Variants in PCDHGB1 observed in about 807,000 individuals in gnomAD.
PCDHGB1 encodes the protein protocadherin gamma-B1.
Under a neutral mutation model 56.6 loss-of-function variants are expected in PCDHGB1, and 34 were observed. That is an observed-to-expected ratio of 0.60 (90% CI 0.46 to 0.80). The LOEUF is 0.80. Ranked by LOEUF, PCDHGB1 falls within the 30% of genes least tolerant of loss-of-function variation. PCDHGB1 has a pLI of 0.00. For missense variants in PCDHGB1, 1,278 were observed against 1,204.6 expected (o/e 1.06, Z -0.90); for synonymous variants, 561 against 505.9 (o/e 1.11, Z -1.46).
At chr5:141,395,135 C>A (rs2093181761) in intron 1 of PCDHGB1, 3 of 1,614,104 alleles carry the variant, frequency 1.9e-6, no homozygotes, top group Non-Finnish European at 2.5e-6. Flanking sequence ...CCCAGCCCAA[C>A]TACGCAGACA....
At chr5:141,495,492 G>C (rs1321150765) in intron 2 of PCDHGB1, among the ~76,000 whole-genome samples, 1 of 152,148 alleles carries the variant, frequency 6.6e-6, no homozygotes, top group Non-Finnish European at 1.5e-5. Flanking sequence ...CCTTTTTCTT[G>C]AGTTTCCGTC....
chr5:141,478,514 G>A, intron 1 of PCDHGB1: 2 of 1,611,534 alleles, frequency 1.2e-6, no homozygotes, highest in Non-Finnish European at 1.7e-6. Context: ...CTATAGGCAG[G>A]TGTTGGGTGC....
chr5:141,426,766 T>C (rs2096958771), intron 1 of PCDHGB1: 1 of 456,532 alleles, frequency 2.2e-6, no homozygotes, highest in South Asian at 1.5e-5. Flanking sequence ...GATGCAGATG[T>C]AGGGCCTCAC....
chr5:141,441,547 A>G (rs1393958373), intron 1 of PCDHGB1: 1 of 182,772 alleles, frequency 5.5e-6, no homozygotes, highest in Admixed American at 6.4e-5. Context: ...CAAAGCCTCC[A>G]TAGTGTGCAA....
rs2096301395 is a variant in PCDHGB1, at chr5:141,418,913, C to A, written c.2409+66244C>A. On this transcript the variant is annotated intron_variant, in intron 1 of 3. Coordinates refer to ENST00000523390, the MANE Select transcript of PCDHGB1 (RefSeq NM_018922.3). ...CAGCCCAGAAATAATCATCACGTCA[C>A]TCTCTGATCAGATTATGGAGGATTC... The A allele has an allele frequency of 2.5e-6, 4 of 1,613,946 alleles. No homozygotes were observed. The highest frequency in any genetic ancestry group is 3.4e-6 in the Non-Finnish European group (4 of 1,179,822).
chr5:141,418,693 T>G, intron 1 of PCDHGB1: 1 of 1,614,040 alleles, frequency 6.2e-7, no homozygotes, highest in Admixed American at 1.7e-5. Flanking sequence ...CAGAGATCAC[T>G]TATTCCTTCT....
chr5:141,394,336 A>C lies in PCDHGB1; in HGVS notation c.2409+41667A>C, dbSNP rs1205005872. On this transcript the variant is annotated intron_variant, in intron 1 of 3. Coordinates refer to ENST00000523390, the MANE Select transcript of PCDHGB1 (RefSeq NM_018922.3). ...CCCCTGTCCTCGTATATCTCCATCA[A>C]CTCTGACACCGGTGTCCTGTATGCG... 6.2e-7 allele frequency: 1 copy of C among 1,613,822 alleles called. No homozygotes were observed. The highest frequency in any genetic ancestry group is 1.1e-5 in the South Asian group (1 of 91,058).
At chr5:141,426,714 C>T (rs779529448) in intron 1 of PCDHGB1, 2 of 444,724 alleles carry the variant, frequency 4.5e-6, no homozygotes, top group South Asian at 3.1e-5. Flanking sequence ...AATCAATGAA[C>T]TAGCAATTCC....
At chr5:141,420,386 AT>A (rs2096493306) in intron 1 of PCDHGB1, 1 of 1,284,798 alleles carries the variant, frequency 7.8e-7, no homozygotes, top group African/African-American at 1.5e-5. Flanking sequence ...AGTTCGCAAA[AT>A]ATAGGTCAAA....
chr5:141,366,696 A>T (rs1337477969), intron 1 of PCDHGB1: 1 of 1,614,244 alleles, frequency 6.2e-7, no homozygotes. Flanking sequence ...GAGAAAAGCG[A>T]GCCTCTTCTG....
At chr5:141,405,448 CT>C in intron 1 of PCDHGB1, 1 of 1,314,740 alleles carries the variant, frequency 7.6e-7, no homozygotes, top group Non-Finnish European at 1.1e-6. Flanking sequence ...GAGACAGAGT[CT>C]TACTCTGTTA....
intron 1 of PCDHGB1, chr5:141,433,132 T>A (rs1168186406): frequency 6.2e-7 from 1 of 1,614,122 alleles, no homozygotes; most frequent in Non-Finnish European, 8.5e-7. Context: ...GCGAGCCCCT[T>A]TTGCTGTCAG....
In PCDHGB1 at chr5:141,487,120, T is replaced by C. The variant is rs1342042604; in HGVS notation, c.2410-7687T>C. 1.9e-6 allele frequency: 3 copies of C among 1,613,948 alleles called. No homozygotes were observed. Among genetic ancestry groups the C allele is most frequent in the Admixed American group, 1.7e-5 (1 of 60,028 alleles). ...AGAAGCTGGTCATTGTGGTAAAGGA[T>C]AGTGGTAGTCCACCACTCTCTACCT... On this transcript the variant is annotated intron_variant, in intron 1 of 3. Coordinates refer to ENST00000523390, the MANE Select transcript of PCDHGB1 (RefSeq NM_018922.3). The surrounding 1 kb of genome is among the most constrained non-coding windows in gnomAD (Gnocchi z 5.0).
At chr5:141,506,636 C>T (rs1421676205) in intron 3 of PCDHGB1, among the ~76,000 whole-genome samples, 2 of 152,020 alleles carry the variant, frequency 1.3e-5, no homozygotes, top group South Asian at 2.1e-4. Context: ...AATGCAAGTC[C>T]CTCAGCACAG....
chr5:141,480,429 T>A (rs72790066), intron 1 of PCDHGB1, among the ~76,000 whole-genome samples: 9,317 of 151,926 alleles, frequency 0.061, 335 homozygotes, highest in South Asian at 0.12. Context: ...AAAAAAATTA[T>A]CAGCTATTAC....
intron 1 of PCDHGB1, chr5:141,398,155 C>G (rs1238092530): frequency 1.3e-5 from 19 of 1,492,684 alleles, no homozygotes; most frequent in Non-Finnish European, 1.7e-5. Flanking sequence ...GGAGCTGGGC[C>G]GGGCTGAGAG....
intron 3 of PCDHGB1, among the ~76,000 whole-genome samples, chr5:141,507,817 G>C (rs1038461861): frequency 3.3e-5 from 5 of 152,206 alleles, no homozygotes; most frequent in Non-Finnish European, 5.9e-5. Context: ...AACGGACCCT[G>C]GGGGTGGAGG....
In PCDHGB1 at chr5:141,366,223, C is replaced by T. The variant is rs141416995; in HGVS notation, c.2409+13554C>T. 8,329 of 1,613,836 alleles carry T rather than the reference C, an allele frequency of 5.2e-3. 46 individuals are homozygous for T. The highest frequency in any genetic ancestry group is 9.4e-3 in the Admixed American group (566 of 60,034). The stretch of plus-strand genomic sequence containing the variant: ...CGGGCGAGGTGCGCACAGCGCGAGC[C>T]CTGCTGGACAGAGACGCGCTCAAGC... On this transcript the variant is annotated intron_variant, in intron 1 of 3. Coordinates refer to ENST00000523390, the MANE Select transcript of PCDHGB1 (RefSeq NM_018922.3).
intron 1 of PCDHGB1, among the ~76,000 whole-genome samples, chr5:141,460,912 G>GTATA (rs34683754): frequency 4.0e-5 from 6 of 149,324 alleles, no homozygotes; most frequent in South Asian, 2.1e-4. Context: ...ATTCCATGGT[G>GTATA]TATATATATA....
Sources: gnomAD v4.1 joint callset for allele counts (sites outside exome capture counted in the v4.1 genomes callset) on GRCh38, gnomAD v4.1.1 for gene constraint, Gnocchi (gnomAD v3.1) non-coding constraint, MANE v1.5 for transcripts, NCBI Gene and HGNC (gene_info 2026-07-23, HGNC 2026-07-21) for gene names.